The following FBXW10B variants were observed in gnomAD, a reference collection of about 807,000 sequenced individuals.
FBXW10B encodes the protein F-box and WD repeat domain containing 10B, also known as F-box and WD repeat domain containing protein 10B.
chr17:15,595,284 G>A, the FBXW10B span, among the ~76,000 whole-genome samples: 6 of 152,024 alleles, frequency 3.9e-5, no homozygotes, highest in Admixed American at 1.3e-4. Context: ...AGGTTGCAGT[G>A]AGCCAAGATC....
At chr17:15,594,300 G>A in the FBXW10B span, among the ~76,000 whole-genome samples, 35 of 151,800 alleles carry the variant, frequency 2.3e-4, no homozygotes, top group African/African-American at 7.7e-4. Flanking sequence ...GTGAAACCCC[G>A]TCTCTACTAA....
At chr17:15,571,559 G>A in the FBXW10B span, 23 of 146,680 alleles carry the variant, frequency 1.6e-4, 1 homozygote, top group East Asian at 2.6e-3. Context: ...TGAAGCTCTC[G>A]TTTATTGCTA....
the FBXW10B span, among the ~76,000 whole-genome samples, chr17:15,616,801 G>A: frequency 8.3e-6 from 1 of 119,824 alleles, no homozygotes; most frequent in African/African-American, 3.5e-5. Context: ...AACAGAGTGA[G>A]ACTCTGTCTC....
the FBXW10B span, chr17:15,571,967 T>TGGGG: frequency 1.4e-5 from 1 of 72,982 alleles, no homozygotes; most frequent in Non-Finnish European, 2.7e-5. Context: ...GAAACGGCGG[T>TGGGG]GGGGGGAGGG....
At chr17:15,583,236 TCTC>T in the FBXW10B span, among the ~76,000 whole-genome samples, 2 of 119,482 alleles carry the variant, frequency 1.7e-5, no homozygotes, top group African/African-American at 5.5e-5. Context: ...TTGCCATTCT[TCTC>T]CTCTTTGGCC....
the FBXW10B span, chr17:15,573,367 A>G: frequency 6.6e-6 from 1 of 152,188 alleles, no homozygotes; most frequent in Non-Finnish European, 1.5e-5. Flanking sequence ...CCTCTCCTCT[A>G]CTGAGAGTCT....
At chr17:15,609,790 G>A in the FBXW10B span, among the ~76,000 whole-genome samples, 6 of 147,682 alleles carry the variant, frequency 4.1e-5, no homozygotes, top group Non-Finnish European at 7.4e-5. Context: ...TATTTCATGT[G>A]TTCTCCATAC....
At chr17:15,611,267 C>T in the FBXW10B span, among the ~76,000 whole-genome samples, 1 of 152,148 alleles carries the variant, frequency 6.6e-6, no homozygotes, top group African/African-American at 2.4e-5. Context: ...CGTGATCCGC[C>T]CGCCTCGGCC....
chr17:15,612,704 C>T, the FBXW10B span: 11 of 1,614,020 alleles, frequency 6.8e-6, no homozygotes, highest in Admixed American at 5.0e-5. Flanking sequence ...AACCCACCTT[C>T]GTTCTCAACT....
the FBXW10B span, among the ~76,000 whole-genome samples, chr17:15,593,938 T>A: frequency 1.3e-5 from 2 of 152,026 alleles, no homozygotes; most frequent in Non-Finnish European, 2.9e-5. Flanking sequence ...CTGCTGTCAT[T>A]TTATAATTGT....
the FBXW10B span, among the ~76,000 whole-genome samples, chr17:15,597,356 A>G: frequency 6.6e-6 from 1 of 150,948 alleles, no homozygotes; most frequent in Non-Finnish European, 1.5e-5. Flanking sequence ...TGCCGGGCCC[A>G]GTGGCTCATG....
chr17:15,567,438 C>G, the FBXW10B span, among the ~76,000 whole-genome samples: 124 of 151,792 alleles, frequency 8.2e-4, 2 homozygotes, highest in East Asian at 0.023. Context: ...GGATCTCTTT[C>G]CAAGTTAGTA....
the FBXW10B span, chr17:15,594,791 C>T: frequency 6.8e-6 from 11 of 1,613,986 alleles, no homozygotes; most frequent in South Asian, 5.5e-5. Context: ...TACTTCCCCA[C>T]CATGCTCCAG....
chr17:15,585,723 A>G, the FBXW10B span, among the ~76,000 whole-genome samples: 1 of 152,216 alleles, frequency 6.6e-6, no homozygotes. Flanking sequence ...CACTCTCATA[A>G]TAAGTAGATG....
chr17:15,596,684 G>A, the FBXW10B span: 2 of 1,610,930 alleles, frequency 1.2e-6, no homozygotes, highest in South Asian at 1.1e-5. Context: ...GGAGACAGAG[G>A]AAGACATGGG....
the FBXW10B span, among the ~76,000 whole-genome samples, chr17:15,601,969 A>G: frequency 1.3e-5 from 2 of 152,120 alleles, no homozygotes; most frequent in Non-Finnish European, 2.9e-5. Flanking sequence ...AAAATTAGCC[A>G]GGCATGGTGG....
the FBXW10B span, among the ~76,000 whole-genome samples, chr17:15,610,929 C>G: frequency 6.6e-6 from 1 of 152,162 alleles, no homozygotes; most frequent in East Asian, 1.9e-4. Flanking sequence ...AGCTTGACCT[C>G]TCTGCGCCTC....
the FBXW10B span, chr17:15,588,832 C>T: frequency 8.7e-6 from 14 of 1,603,288 alleles, no homozygotes; most frequent in South Asian, 2.2e-5. Flanking sequence ...GATCACTCCA[C>T]GTTCTCTGCC....
At chr17:15,582,775 A>G in the FBXW10B span, among the ~76,000 whole-genome samples, 2 of 152,184 alleles carry the variant, frequency 1.3e-5, no homozygotes, top group Non-Finnish European at 2.9e-5. Flanking sequence ...GCAAACCATG[A>G]TCACCCTCAT....
Sources: gnomAD v4.1 joint callset for allele counts (sites outside exome capture counted in the v4.1 genomes callset) on GRCh38, gnomAD v4.1.1 for gene constraint, MANE v1.5 for transcripts, NCBI Gene and HGNC (gene_info 2026-07-23, HGNC 2026-07-21) for gene names.